Variants in CNTN5 observed in about 807,000 individuals in gnomAD.
CNTN5 encodes contactin-5.
A neutral mutation model predicts 129.1 loss-of-function variants in CNTN5; 77 were observed. The ratio of observed to expected loss-of-function variants is 0.60; its 90% CI spans 0.50 to 0.72. The LOEUF (loss-of-function observed/expected upper bound fraction) is 0.72, where lower values mean the gene tolerates loss of function less well. Ranked by LOEUF, CNTN5 falls within the 30% of genes least tolerant of loss-of-function variation. The pLI, the probability that CNTN5 is intolerant of heterozygous loss-of-function variation, is 0.00. For synonymous variants in CNTN5, 509 were observed against 465.6 expected (o/e 1.09, Z -1.20); for missense variants, 1,478 against 1,328.8 (o/e 1.11, Z -1.75).
At chr11:100,239,363 T>C (rs544633) in intron 16 of CNTN5, among the ~76,000 whole-genome samples, 46,873 of 152,012 alleles carry the variant, frequency 0.31, 8,078 homozygotes, top group Non-Finnish European at 0.38. Context: ...GAGGTCATAG[T>C]TCAAGGGTAC....
At chr11:100,168,648 A>G (rs1025457468) in intron 13 of CNTN5, among the ~76,000 whole-genome samples, 1 of 152,014 alleles carries the variant, frequency 6.6e-6, no homozygotes, top group African/African-American at 2.4e-5. Context: ...TTGGAAATGG[A>G]CAAAGAAATT....
At chr11:99,537,413 T>A (rs181782245) in intron 2 of CNTN5, among the ~76,000 whole-genome samples, 4 of 152,250 alleles carry the variant, frequency 2.6e-5, no homozygotes, top group Admixed American at 1.3e-4. Context: ...TCAAAGCCCA[T>A]ATTTTAACTA....
At chr11:100,004,136 A>C (rs1054802355) in intron 9 of CNTN5, among the ~76,000 whole-genome samples, 1 of 152,198 alleles carries the variant, frequency 6.6e-6, no homozygotes, top group African/African-American at 2.4e-5. Context: ...TTCAGCAAGC[A>C]CATGGTGCTC....
intron 8 of CNTN5, among the ~76,000 whole-genome samples, chr11:99,991,611 G>C (rs571032019): frequency 8.5e-5 from 13 of 152,190 alleles, no homozygotes; most frequent in Non-Finnish European, 1.9e-4. Flanking sequence ...AGATAGAGCT[G>C]ACATGCAACC....
intron 2 of CNTN5, among the ~76,000 whole-genome samples, chr11:99,507,074 T>A (rs1032946518): frequency 1.3e-5 from 2 of 152,150 alleles, no homozygotes; most frequent in African/African-American, 4.8e-5. Context: ...ATGACCCTCA[T>A]ATATGCATAC....
chr11:99,135,059 C>T (rs1390995174), intron 1 of CNTN5, among the ~76,000 whole-genome samples: 1 of 152,038 alleles, frequency 6.6e-6, no homozygotes, highest in Non-Finnish European at 1.5e-5. Context: ...ATAAGCCTTG[C>T]AATGTTCTGC....
intron 3 of CNTN5, among the ~76,000 whole-genome samples, chr11:99,744,412 A>G (rs932574453): frequency 1.3e-5 from 2 of 151,734 alleles, no homozygotes; most frequent in African/African-American, 4.8e-5. Flanking sequence ...CCACTAAACA[A>G]TGTTGGGACT....
chr11:99,061,088 A>G (rs934451615), intron 1 of CNTN5, among the ~76,000 whole-genome samples: 2 of 152,052 alleles, frequency 1.3e-5, no homozygotes, highest in Non-Finnish European at 2.9e-5. Flanking sequence ...AATCACTTTA[A>G]ATTCTTTGGG....
At chr11:100,064,904 G>T (rs10501941) in intron 10 of CNTN5, among the ~76,000 whole-genome samples, 1 of 151,936 alleles carries the variant, frequency 6.6e-6, no homozygotes, top group South Asian at 2.1e-4. Flanking sequence ...AGTTTTATAA[G>T]GAGTTCTCAA....
At chr11:99,427,207 T>A (rs1372570522) in intron 2 of CNTN5, among the ~76,000 whole-genome samples, 1 of 152,092 alleles carries the variant, frequency 6.6e-6, no homozygotes, top group Non-Finnish European at 1.5e-5. Context: ...TAAGTGAAGG[T>A]TTTCAGTTTC....
intron 2 of CNTN5, among the ~76,000 whole-genome samples, chr11:99,435,909 T>C (rs1943580856): frequency 1.3e-5 from 2 of 152,216 alleles, no homozygotes; most frequent in Non-Finnish European, 2.9e-5. Context: ...AGTTCTGGTC[T>C]GTAACAGATA....
chr11:99,246,306 ATTT>A (rs1445741287), intron 1 of CNTN5, among the ~76,000 whole-genome samples: 16 of 124,690 alleles, frequency 1.3e-4, no homozygotes, highest in Non-Finnish European at 2.8e-4. Context: ...CCCACACATT[ATTT>A]CATCTGATTA....
At chr11:99,267,890 T>C (rs914071877) in intron 1 of CNTN5, among the ~76,000 whole-genome samples, 3 of 149,358 alleles carry the variant, frequency 2.0e-5, no homozygotes, top group African/African-American at 7.5e-5. Flanking sequence ...TCTCTCTCTC[T>C]TTCTCTATCA....
intron 13 of CNTN5, among the ~76,000 whole-genome samples, chr11:100,125,489 A>G (rs1199183792): frequency 1.3e-5 from 2 of 152,044 alleles, no homozygotes; most frequent in Non-Finnish European, 2.9e-5. Context: ...CACAAAGCAC[A>G]TGATTTCATT....
intron 1 of CNTN5, among the ~76,000 whole-genome samples, chr11:99,253,909 A>ATATATG (rs1207707346): frequency 2.1e-5 from 3 of 142,006 alleles, no homozygotes; most frequent in Non-Finnish European, 3.1e-5. Context: ...ATATATATAT[A>ATATATG]TATATATATA....
chr11:99,199,630 G>T (rs1297506818), intron 1 of CNTN5, among the ~76,000 whole-genome samples: 1 of 152,070 alleles, frequency 6.6e-6, no homozygotes. Context: ...ACCACCTGGG[G>T]CAGAATTTCT....
intron 3 of CNTN5, among the ~76,000 whole-genome samples, chr11:99,689,326 G>C (rs907211031): frequency 6.6e-6 from 1 of 151,946 alleles, no homozygotes; most frequent in Non-Finnish European, 1.5e-5. Context: ...AGGAGATCGA[G>C]ACCATCCTGG....
At chr11:99,508,017 A>G (rs966733042) in intron 2 of CNTN5, among the ~76,000 whole-genome samples, 1 of 152,222 alleles carries the variant, frequency 6.6e-6, no homozygotes. Context: ...AGCTCTACTA[A>G]AATGGAAGTT....
intron 2 of CNTN5, among the ~76,000 whole-genome samples, chr11:99,392,181 C>T (rs1941295831): frequency 6.6e-6 from 1 of 150,990 alleles, no homozygotes; most frequent in African/African-American, 2.4e-5. Context: ...TTTTAGATCC[C>T]ATGGCAGTAT....
Sources: allele counts gnomAD v4.1 joint callset (sites outside exome capture counted in the v4.1 genomes callset), GRCh38; gene constraint gnomAD v4.1.1; transcripts MANE v1.5; gene names NCBI Gene and HGNC (gene_info 2026-07-23, HGNC 2026-07-21).